Variants in AGO4 observed in about 807,000 individuals in gnomAD.
AGO4 encodes argonaute RISC component 4, also known as protein argonaute-4.
AGO4 carries 33 observed loss-of-function variants against 104.7 expected under a neutral mutation model. The observed-to-expected ratio is 0.32, with a 90% CI of 0.24 to 0.42. The LOEUF (loss-of-function observed/expected upper bound fraction) is 0.42. Ranked by LOEUF, AGO4 falls within the 10% of genes least tolerant of loss-of-function variation. AGO4 has a pLI of 1.00. For synonymous variants in AGO4, 331 were observed against 364.7 expected (o/e 0.91, Z 1.05); for missense variants, 711 against 1,083.4 (o/e 0.66, Z 4.83).
intron 15 of AGO4, among the ~76,000 whole-genome samples, chr1:35,846,548 G>T (rs1296561464): frequency 6.6e-6 from 1 of 151,702 alleles, no homozygotes; most frequent in Admixed American, 6.6e-5. Context: ...AGTGAGCTGA[G>T]ATGGCACCAC....
At chr1:35,832,341 T>C (rs1048373395) in intron 10 of AGO4, 96 bp from the exon 11 acceptor site, 28 of 1,494,878 alleles carry the variant, frequency 1.9e-5, no homozygotes, top group Non-Finnish European at 2.5e-5. Flanking sequence ...TTTTGTTTAT[T>C]CACTAGTCAA....
In AGO4 at chr1:35,854,677, T is replaced by C. The variant is rs1571320334; in HGVS notation, c.*1072T>C. On this transcript the variant is annotated 3_prime_UTR_variant, in exon 18 of 18. Transcript: ENST00000373210. Reference sequence around the variant, plus strand: ...ATTTTTACCTGTTTTATATTCACAGTTGGTGTCCTGTCACTTTGTTTTAAA... The same window carrying C: ...ATTTTTACCTGTTTTATATTCACAGCTGGTGTCCTGTCACTTTGTTTTAAA... 3 of 152,680 alleles carry C rather than the reference T, an allele frequency of 2.0e-5. No individual in the cohort carries two copies. The highest frequency in any genetic ancestry group is 1.3e-4 in the Admixed American group (2 of 15,284). The allele number at this position is 152,680 out of a possible 1,614,324, so 9.5% of individuals were successfully genotyped here.
chr1:35,808,654 G>T lies in AGO4; in HGVS notation c.19+219G>T, dbSNP rs982176540. The stretch of plus-strand genomic sequence containing the variant: ...TGGGTGGATCCCGAGGTCCAGGGGG[G>T]AGGTTCGGGAAGGTGACCGGCGCTG... On this transcript the variant is annotated intron_variant, in intron 1 of 17. Transcript: ENST00000373210. This position sits in a 1 kb window ranked among gnomAD's most constrained non-coding sequence, Gnocchi z 5.2. Among the ~76,000 whole-genome samples, 3 of 152,118 alleles carry T rather than the reference G, an allele frequency of 2.0e-5. No individual in the cohort carries two copies. Among genetic ancestry groups the T allele is most frequent in the African/African-American group, 7.2e-5 (3 of 41,450 alleles).
At chr1:35,830,841 G>A (rs756575678) in intron 7 of AGO4, among the ~76,000 whole-genome samples, 9 of 151,824 alleles carry the variant, frequency 5.9e-5, no homozygotes, top group Non-Finnish European at 1.0e-4. Context: ...AGGTGGTGGC[G>A]CGCACTTGTA....
At chr1:35,852,028 G>A (rs756183165) in intron 17 of AGO4, among the ~76,000 whole-genome samples, 6 of 152,148 alleles carry the variant, frequency 3.9e-5, no homozygotes, top group Non-Finnish European at 8.8e-5. Context: ...TGGATAGAAT[G>A]GCTCTACAAA....
At chr1:35,829,825 A>G (rs1644131682) in intron 7 of AGO4, among the ~76,000 whole-genome samples, 1 of 126,582 alleles carries the variant, frequency 7.9e-6, no homozygotes, top group African/African-American at 2.8e-5. Context: ...TGGGCAACAG[A>G]GTGAGACTAC....
At chr1:35,815,327 A>AT (rs1173648867) in intron 1 of AGO4, among the ~76,000 whole-genome samples, 1 of 152,184 alleles carries the variant, frequency 6.6e-6, no homozygotes, top group African/African-American at 2.4e-5. Context: ...AAAGATGTTC[A>AT]TTTTTTAGGC....
Position 35,853,894 on chromosome 1 carries a change from C to A in AGO4, c.*289C>A. 1 of 235,040 alleles carries A rather than the reference C, an allele frequency of 4.3e-6. No individual in the cohort carries two copies. The highest frequency in any genetic ancestry group is 8.3e-6 in the Non-Finnish European group (1 of 120,170). The allele number at this position is 235,040 out of a possible 1,614,324, so 14.6% of individuals were successfully genotyped here. ...AGCCTGAACTTTCTAAAGGACTTTA[C>A]AAGAAGGGTTTCTATGGAATATTTT... On this transcript the variant is annotated 3_prime_UTR_variant, in exon 18 of 18. Transcript: ENST00000373210.
chr1:35,823,143 A>G (rs1373576881), intron 3 of AGO4, among the ~76,000 whole-genome samples, 161 bp downstream of exon 3: 1 of 152,264 alleles, frequency 6.6e-6, no homozygotes, highest in African/African-American at 2.4e-5. Flanking sequence ...ACAGATATCA[A>G]AATATCACAT....
chr1:35,852,186 A>G (rs1236523142), intron 17 of AGO4, among the ~76,000 whole-genome samples: 1 of 152,214 alleles, frequency 6.6e-6, no homozygotes, highest in African/African-American at 2.4e-5. Context: ...ATGTTAAAGC[A>G]AGACCGTGTT....
intron 2 of AGO4, 102 bp from the exon 3 acceptor site, chr1:35,822,760 A>G (rs939741081): frequency 6.9e-6 from 10 of 1,450,690 alleles, no homozygotes; most frequent in Non-Finnish European, 9.5e-6. Flanking sequence ...TACTTTTTCC[A>G]AGTAATACTG....
intron 2 of AGO4, among the ~76,000 whole-genome samples, chr1:35,822,470 T>G (rs1643907936): frequency 6.6e-6 from 1 of 151,512 alleles, no homozygotes; most frequent in Non-Finnish European, 1.5e-5. Context: ...GTCAGGCTGG[T>G]CTCGAACTCC....
At chr1:35,842,066 C>T (rs1420725720) in intron 15 of AGO4, among the ~76,000 whole-genome samples, 1 of 151,766 alleles carries the variant, frequency 6.6e-6, no homozygotes, top group Non-Finnish European at 1.5e-5. Context: ...CTAAGGGGTG[C>T]TTTTGTTATT....
At chr1:35,851,196 G>T in intron 17 of AGO4, 143 bp downstream of exon 17, 1 of 798,372 alleles carries the variant, frequency 1.3e-6, no homozygotes, top group Non-Finnish European at 2.0e-6. Flanking sequence ...GTGCCTCTGA[G>T]AGCTTGTAAT....
chr1:35,823,125 C>T, intron 3 of AGO4, 143 bp downstream of exon 3: 1 of 930,308 alleles, frequency 1.1e-6, no homozygotes, highest in South Asian at 1.8e-5. Context: ...CATTATTACA[C>T]ATTGCATACA....
At chr1:35,850,629 A>G (rs1257456138) in intron 16 of AGO4, among the ~76,000 whole-genome samples, 15 of 151,690 alleles carry the variant, frequency 9.9e-5, no homozygotes. Context: ...AAAAAAACAA[A>G]AATTATCTGG....
Position 35,808,422 on chromosome 1 carries a change from G to C in AGO4, c.6G>C (p.Glu2Asp). The change falls in exon 1 of 18, where the codon GAG becomes GAC. Residue 2 changes from glutamate (E) to aspartate (D), a missense_variant. Transcript: ENST00000373210. This position sits in a 1 kb window ranked among gnomAD's most constrained non-coding sequence, Gnocchi z 5.2. M[E>D]ALGPGPPASL... ...AGGCGGCCCCCGCCGCCGCCATGGA[G>C]GCGCTGGGACCCGGTGAGGAGCGAG... 1 of 1,164,078 alleles carries C rather than the reference G, an allele frequency of 8.6e-7. No individual in the cohort carries two copies. Among genetic ancestry groups the C allele is most frequent in the Non-Finnish European group, 1.1e-6 (1 of 944,912 alleles). The allele number at this position is 1,164,078 out of a possible 1,614,324, so 72.1% of individuals were successfully genotyped here.
rs1409329508 is a variant in AGO4, at chr1:35,854,127, T to C, written c.*522T>C. The C allele has an allele frequency of 6.6e-6, 1 of 152,414 alleles. No homozygotes were observed. The allele number at this position is 152,414 out of a possible 1,614,324, so 9.4% of individuals were successfully genotyped here. A position where few individuals can be genotyped will look rare whatever the true frequency, so the allele number is the denominator to read the frequency against. ...CCACTGTAAATGCCTTTAATGAGCA[T>C]TAATTTTTGAAAGTTTTACAGAGTT... On this transcript the variant is annotated 3_prime_UTR_variant, in exon 18 of 18. Coordinates refer to ENST00000373210, the MANE Select transcript of AGO4 (RefSeq NM_017629.4).
At chr1:35,847,925 G>A (rs964200448) in intron 15 of AGO4, among the ~76,000 whole-genome samples, 2 of 151,844 alleles carry the variant, frequency 1.3e-5, no homozygotes, top group African/African-American at 2.4e-5. Context: ...CAAATAATGT[G>A]CAGTGATCAA....
Sources: gnomAD v4.1 joint callset for allele counts (sites outside exome capture counted in the v4.1 genomes callset) on GRCh38, gnomAD v4.1.1 for gene constraint, Gnocchi (gnomAD v3.1) non-coding constraint, MANE v1.5 for transcripts, NCBI Gene and HGNC (gene_info 2026-07-23, HGNC 2026-07-21) for gene names.